Variants in ADGRL2 observed in about 807,000 individuals in gnomAD.
ADGRL2 encodes the protein calcium-independent alpha-latrotoxin receptor 2.
ADGRL2 carries 44 observed loss-of-function variants against 157.4 expected under a neutral mutation model. The observed-to-expected ratio is 0.28, with a 90% CI of 0.22 to 0.36. The LOEUF is 0.36. Among genes scored for constraint, ADGRL2 ranks in the 10% least tolerant of loss-of-function variants. The pLI is 1.00. For synonymous variants in ADGRL2, 585 were observed against 624.7 expected, an observed-to-expected ratio of 0.94 and a Z score of 0.95; for missense variants, 1,510 against 1,768.9, an observed-to-expected ratio of 0.85 and a Z score of 2.63.
intron 1 of ADGRL2, among the ~76,000 whole-genome samples, chr1:81,358,569 T>C (rs1028713256): frequency 6.6e-6 from 1 of 152,150 alleles, no homozygotes; most frequent in African/African-American, 2.4e-5. Context: ...ACATATGAAA[T>C]TTTCTTTCTA....
intron 2 of ADGRL2, among the ~76,000 whole-genome samples, chr1:81,782,786 G>C (rs553318827): frequency 1.3e-5 from 2 of 152,298 alleles, no homozygotes; most frequent in South Asian, 4.1e-4. Context: ...AAAAAGTTCA[G>C]CTAGCCTTTG....
chr1:81,370,392 C>T (rs2076141695), intron 1 of ADGRL2, among the ~76,000 whole-genome samples: 1 of 151,982 alleles, frequency 6.6e-6, no homozygotes, highest in Non-Finnish European at 1.5e-5. Context: ...TTGTTGCTAA[C>T]AGAAAATCAT....
intron 3 of ADGRL2, among the ~76,000 whole-genome samples, chr1:81,685,135 T>C (rs1406268322): frequency 6.6e-6 from 1 of 152,188 alleles, no homozygotes; most frequent in African/African-American, 2.4e-5. Flanking sequence ...TTTGGTTCCA[T>C]ATGAATTTTA....
Position 81,855,612 on chromosome 1 carries a change from A to G in ADGRL2, c.73+18555A>G, listed in dbSNP as rs1348170437. Among the ~76,000 whole-genome samples, 6 of 151,868 alleles carry G rather than the reference A, an allele frequency of 4.0e-5. No homozygotes were observed. The South Asian group carries it at 6.2e-4, about 16-fold the overall frequency. Reference sequence around the variant, plus strand: ...AGCAGGAAGTTATGATACATTTTCAATGCGAATATGTTGTCAATTGAGCTG... The same window carrying G: ...AGCAGGAAGTTATGATACATTTTCAGTGCGAATATGTTGTCAATTGAGCTG... On this transcript the variant is annotated intron_variant, in intron 2 of 23. Coordinates refer to ENST00000686636, the MANE Select transcript of ADGRL2 (RefSeq NM_001366006.2).
rs141437056 is a variant in ADGRL2 at position 81,788,655 on chromosome 1, C to A, written c.-101+26803C>A. On this transcript the variant is annotated intron_variant, in intron 2 of 20. Coordinates refer to the ADGRL2 transcript ENST00000359929. ...GTAAAGCCTCTCCTCCTGGATGTTGCTATGAGCTAATATACACCAAATGCT... is the reference window on the plus strand; with the variant it reads ...GTAAAGCCTCTCCTCCTGGATGTTGATATGAGCTAATATACACCAAATGCT... Among the ~76,000 whole-genome samples, 4 of 152,266 alleles carry A rather than the reference C, an allele frequency of 2.6e-5. No individual in the cohort carries two copies. The East Asian group carries it at 7.7e-4, about 29-fold the overall frequency.
chr1:81,571,773 T>TTCATAAAATATGA (rs1557472084), intron 2 of ADGRL2, among the ~76,000 whole-genome samples: 1 of 152,228 alleles, frequency 6.6e-6, no homozygotes, highest in East Asian at 1.9e-4. Flanking sequence ...ATTCTGTCTG[T>TTCATAAAATATGA]ATTATGAATA....
chr1:81,455,771 G>A (rs1056374523), intron 2 of ADGRL2, among the ~76,000 whole-genome samples: 12 of 152,172 alleles, frequency 7.9e-5, no homozygotes, highest in Non-Finnish European at 1.8e-4. Context: ...AGCATCAAGC[G>A]CTCAGAGGAA....
chr1:81,468,359 T>G (rs2078103315), intron 2 of ADGRL2, among the ~76,000 whole-genome samples: 1 of 152,206 alleles, frequency 6.6e-6, no homozygotes. Flanking sequence ...TTTAGCATAC[T>G]ATACTTGAAA....
chr1:81,659,149 C>G (rs539960695), intron 3 of ADGRL2, among the ~76,000 whole-genome samples: 1 of 151,590 alleles, frequency 6.6e-6, no homozygotes, highest in African/African-American at 2.4e-5. Context: ...GCAACCTCCC[C>G]CTCCTGGGTT....
At chr1:81,461,116 CT>C (rs2077918569) in intron 2 of ADGRL2, among the ~76,000 whole-genome samples, 1 of 152,100 alleles carries the variant, frequency 6.6e-6, no homozygotes, top group Non-Finnish European at 1.5e-5. Flanking sequence ...TTTTCCATCT[CT>C]TCCTCTTCCC....
At chr1:81,687,079 A>G (rs2083243508) in intron 3 of ADGRL2, among the ~76,000 whole-genome samples, 1 of 152,158 alleles carries the variant, frequency 6.6e-6, no homozygotes, top group Non-Finnish European at 1.5e-5. Flanking sequence ...AGAAAGTTCC[A>G]TGTGCTGTTG....
chr1:81,738,172 G>A (rs1270698968), intron 1 of ADGRL2, among the ~76,000 whole-genome samples: 9 of 152,136 alleles, frequency 5.9e-5, no homozygotes, highest in East Asian at 1.9e-4. Context: ...GGCAGGATCC[G>A]GATCCGGATG....
At chr1:81,416,072 G>A (rs957729666) in intron 1 of ADGRL2, among the ~76,000 whole-genome samples, 3 of 151,846 alleles carry the variant, frequency 2.0e-5, no homozygotes, top group Admixed American at 6.6e-5. Context: ...GGATGGTCTC[G>A]ATCTTGTGAC....
chr1:81,982,826 G>A (rs540756064), intron 19 of ADGRL2, among the ~76,000 whole-genome samples: 1 of 152,042 alleles, frequency 6.6e-6, no homozygotes, highest in South Asian at 2.1e-4. Context: ...AGCAATATAG[G>A]CATTAGGCAA....
At position 81,968,080 on chromosome 1, in the gene ADGRL2, A is replaced by C; in HGVS notation, c.2404A>C (p.Met802Leu). The C allele has an allele frequency of 6.2e-7, 1 of 1,614,026 alleles. No individual in the cohort carries two copies. Among genetic ancestry groups the C allele is most frequent in the Non-Finnish European group, 8.5e-7 (1 of 1,179,868 alleles). ...CSFWNYSERT[M>L]MGYWSTQGCK... ...CTTCTGGAACTACTCAGAGAGAACT[A>C]TGATGGGATATTGGTCTACCCAGGG... Residue 802 changes from methionine to leucine, a missense_variant, in exon 14 of 24, where the codon ATG becomes CTG. By Grantham distance (15) the Met-to-Leu change is conservative. Around this residue, in one of 4 missense-constraint regions of ADGRL2, gnomAD observed 497 missense variants for 627.2 expected, o/e 0.79. Coordinates refer to ENST00000686636, the MANE Select transcript of ADGRL2 (RefSeq NM_001366006.2).
intron 3 of ADGRL2, among the ~76,000 whole-genome samples, chr1:81,619,733 G>C (rs201741165): frequency 9.2e-5 from 3 of 32,596 alleles, no homozygotes; most frequent in African/African-American, 8.7e-4. Flanking sequence ...GTGTGTGTAT[G>C]TGTGTGTGTG....
chr1:81,322,175 TATATACATATAC>T, intron 1 of ADGRL2, among the ~76,000 whole-genome samples: 1 of 149,360 alleles, frequency 6.7e-6, no homozygotes, highest in East Asian at 2.0e-4. Context: ...TATGTACATG[TATATACATATAC>T]ATATACATAT....
At chr1:81,975,423 G>T (rs1189045833) in intron 17 of ADGRL2, among the ~76,000 whole-genome samples, 2 of 152,084 alleles carry the variant, frequency 1.3e-5, no homozygotes, top group Non-Finnish European at 2.9e-5. Context: ...GAGCAAGAGG[G>T]TCAAAGAGTG....
intron 8 of ADGRL2, 128 bp from the exon 9 acceptor site, chr1:81,951,829 C>T: frequency 5.6e-6 from 3 of 532,206 alleles, no homozygotes; most frequent in South Asian, 3.5e-5. Context: ...GGAAAGTCAT[C>T]AGTCTCAATT....
Sources: gnomAD v4.1 joint callset for allele counts (sites outside exome capture counted in the v4.1 genomes callset) on GRCh38, gnomAD v4.1.1 for gene constraint, gnomAD v4.1.1 regional missense constraint, MANE v1.5 for transcripts, NCBI Gene and HGNC (gene_info 2026-07-23, HGNC 2026-07-21) for gene names.